SLC25A21: variants seen among roughly 807,000 people sequenced by gnomAD.
SLC25A21 encodes the protein solute carrier family 25 member 21.
SLC25A21 carries 47 observed loss-of-function variants against 43.8 expected under a neutral mutation model. The ratio of observed to expected loss-of-function variants is 1.07; its 90% CI spans 0.85 to 1.37. The LOEUF is 1.37. SLC25A21 is among the 40% of genes most tolerant of loss of function. SLC25A21 has a pLI of 0.00. For missense variants in SLC25A21, 352 were observed against 350.2 expected (o/e 1.00, Z -0.04); for synonymous variants, 131 against 121.3 (o/e 1.08, Z -0.52).
At chr14:36,851,169 A>C (rs1889722947) in intron 2 of SLC25A21, among the ~76,000 whole-genome samples, 1 of 152,120 alleles carries the variant, frequency 6.6e-6, no homozygotes, top group Admixed American at 6.6e-5. Flanking sequence ...TTATGCCCAA[A>C]ATAAAGTATG....
At chr14:36,742,592 G>A (rs985996356) in intron 3 of SLC25A21, among the ~76,000 whole-genome samples, 31 of 152,170 alleles carry the variant, frequency 2.0e-4, no homozygotes, top group Non-Finnish European at 3.5e-4. Flanking sequence ...TGAGGCAAAA[G>A]AGGGAGGGAA....
chr14:36,831,875 A>G (rs1237644446), intron 2 of SLC25A21, among the ~76,000 whole-genome samples: 2 of 152,218 alleles, frequency 1.3e-5, no homozygotes, highest in African/African-American at 4.8e-5. Flanking sequence ...AATTAGGAAC[A>G]TGGAAAAGAC....
At chr14:37,139,968 AG>A (rs1963544100) in intron 1 of SLC25A21, among the ~76,000 whole-genome samples, 1 of 152,246 alleles carries the variant, frequency 6.6e-6, no homozygotes, top group Non-Finnish European at 1.5e-5. Flanking sequence ...TAGCAGTTGA[AG>A]AACCGGAGGA....
chr14:37,045,300 G>A (rs1961564169), intron 1 of SLC25A21, among the ~76,000 whole-genome samples: 1 of 152,130 alleles, frequency 6.6e-6, no homozygotes, highest in Non-Finnish European at 1.5e-5. Context: ...CAATTACGAA[G>A]GAGAGATTTC....
At chr14:37,171,539 G>T (rs1280707599) in intron 1 of SLC25A21, among the ~76,000 whole-genome samples, 1 of 152,070 alleles carries the variant, frequency 6.6e-6, no homozygotes, top group Non-Finnish European at 1.5e-5. Context: ...ATGACTGTAA[G>T]ATAAAATTTT....
intron 1 of SLC25A21, among the ~76,000 whole-genome samples, chr14:36,971,921 T>C (rs761818487): frequency 2.6e-5 from 4 of 152,166 alleles, no homozygotes; most frequent in African/African-American, 9.7e-5. Flanking sequence ...GCTGTAAATA[T>C]TGTGTTAAGA....
At chr14:36,768,722 T>C (rs1245426330) in intron 3 of SLC25A21, among the ~76,000 whole-genome samples, 1 of 152,076 alleles carries the variant, frequency 6.6e-6, no homozygotes, top group Non-Finnish European at 1.5e-5. Flanking sequence ...ATGGAAGTCA[T>C]ATTATAAGGT....
At chr14:37,029,336 A>T (rs1461377741) in intron 1 of SLC25A21, among the ~76,000 whole-genome samples, 1 of 152,208 alleles carries the variant, frequency 6.6e-6, no homozygotes, top group Non-Finnish European at 1.5e-5. Context: ...AGGAGGGTTA[A>T]AGAGGAATGG....
intron 3 of SLC25A21, among the ~76,000 whole-genome samples, chr14:36,779,611 TATATATATATA>T (rs1886974023): frequency 6.3e-5 from 1 of 15,970 alleles, no homozygotes; most frequent in Non-Finnish European, 9.5e-5. Flanking sequence ...TGTGTATACA[TATATATATATA>T]TATATATATA....
intron 2 of SLC25A21, among the ~76,000 whole-genome samples, chr14:36,854,941 G>T (rs986445260): frequency 6.7e-6 from 1 of 148,978 alleles, no homozygotes; most frequent in African/African-American, 2.5e-5. Context: ...GGTGGGGGGG[G>T]GTATTCTGCC....
At chr14:36,896,822 C>T (rs547655255) in intron 1 of SLC25A21, among the ~76,000 whole-genome samples, 67 of 152,196 alleles carry the variant, frequency 4.4e-4, no homozygotes, top group Non-Finnish European at 7.2e-4. Context: ...GGATATGAAA[C>T]TCTGGGTTGA....
At chr14:37,154,076 C>T (rs1381750443) in intron 1 of SLC25A21, among the ~76,000 whole-genome samples, 1 of 152,116 alleles carries the variant, frequency 6.6e-6, no homozygotes, top group East Asian at 1.9e-4. Flanking sequence ...AAAAATCAGA[C>T]CTCTAGTAAC....
At position 37,010,888 on chromosome 14, in the gene SLC25A21, G is replaced by A. The variant is rs28472982; in HGVS notation, c.71-135884C>T. Among the ~76,000 whole-genome samples, 1,066 of 152,150 alleles carry A rather than the reference G, an allele frequency of 7.0e-3. 13 individuals are homozygous for A. The highest frequency in any genetic ancestry group is 6.7e-3 in the Non-Finnish European group (456 of 67,990). ...GCCTCCCAAGTAGCTGGGACTAGCG[G>A]TACGCACCGCCAAGTCCAGCTGACT... On this transcript the variant is annotated intron_variant, in intron 1 of 9. Transcript: ENST00000331299.
chr14:36,820,507 G>C (rs1839343282), intron 2 of SLC25A21, among the ~76,000 whole-genome samples: 2 of 152,160 alleles, frequency 1.3e-5, no homozygotes, highest in Admixed American at 6.5e-5. Context: ...AGCATTTTGA[G>C]GAACTGAGAC....
At chr14:36,909,034 G>A (rs1179173615) in intron 1 of SLC25A21, among the ~76,000 whole-genome samples, 2 of 152,098 alleles carry the variant, frequency 1.3e-5, no homozygotes, top group African/African-American at 4.8e-5. Flanking sequence ...AGGATAGGAG[G>A]TGGCAGGGAA....
chr14:36,714,382 C>A (rs1884028930), intron 6 of SLC25A21, among the ~76,000 whole-genome samples: 1 of 152,200 alleles, frequency 6.6e-6, no homozygotes. Context: ...CTCTGAGACC[C>A]AACCAAATTC....
At chr14:37,105,206 A>G (rs1420345753) in intron 1 of SLC25A21, among the ~76,000 whole-genome samples, 2 of 152,198 alleles carry the variant, frequency 1.3e-5, no homozygotes, top group Non-Finnish European at 2.9e-5. Context: ...AAGGCAGGTA[A>G]GTAATAATGC....
chr14:36,775,385 GA>G (rs1245659957), intron 3 of SLC25A21, among the ~76,000 whole-genome samples: 2 of 151,970 alleles, frequency 1.3e-5, no homozygotes, highest in Non-Finnish European at 2.9e-5. Context: ...CAGCCCTCCC[GA>G]AAAAAATCGT....
At chr14:36,801,476 C>G (rs571778201) in intron 3 of SLC25A21, among the ~76,000 whole-genome samples, 1 of 152,262 alleles carries the variant, frequency 6.6e-6, no homozygotes, top group South Asian at 2.1e-4. Context: ...CTTAGCAAAG[C>G]CTTTAAGTAA....
Sources: gnomAD v4.1 joint callset for allele counts (sites outside exome capture counted in the v4.1 genomes callset) on GRCh38, gnomAD v4.1.1 for gene constraint, MANE v1.5 for transcripts, NCBI Gene and HGNC (gene_info 2026-07-23, HGNC 2026-07-21) for gene names.